PSIP1: variants seen among roughly 807,000 people sequenced by gnomAD.
PSIP1 encodes PC4 and SFRS1-interacting protein.
A neutral mutation model predicts 74.7 loss-of-function variants in PSIP1; 19 were observed. The ratio of observed to expected loss-of-function variants is 0.25; its 90% CI spans 0.18 to 0.37. The LOEUF is 0.37. Among genes scored for constraint, PSIP1 ranks in the 10% least tolerant of loss-of-function variants. The probability of loss-of-function intolerance (pLI) is 1.00; values close to 1 mark genes in which losing one functional copy is unlikely to be tolerated. For synonymous variants in PSIP1, 222 were observed against 195.3 expected (o/e 1.14, Z -1.14); for missense variants, 601 against 614.3 (o/e 0.98, Z 0.23).
chr9:15,504,185 A>T (rs2037476208), intron 3 of PSIP1, among the ~76,000 whole-genome samples: 1 of 152,224 alleles, frequency 6.6e-6, no homozygotes, highest in Non-Finnish European at 1.5e-5. Flanking sequence ...AAAATTCAGT[A>T]TTGTCAGCTT....
intron 4 of PSIP1, among the ~76,000 whole-genome samples, chr9:15,487,467 C>A (rs1034480465): frequency 1.3e-5 from 2 of 151,772 alleles, no homozygotes; most frequent in African/African-American, 4.8e-5. Context: ...TGGTGGCACG[C>A]GCCTGTAATC....
chr9:15,465,738 T>A, intron 15 of PSIP1, 158 bp from the exon 16 acceptor site: 1 of 562,478 alleles, frequency 1.8e-6, no homozygotes, highest in South Asian at 2.9e-5. Flanking sequence ...GTCATTATTA[T>A]TTTTTTCTTC....
chr9:15,468,430 T>G (rs1327749909), intron 14 of PSIP1, 200 bp downstream of exon 14: 1 of 766,162 alleles, frequency 1.3e-6, no homozygotes, highest in Non-Finnish European at 2.4e-6. Context: ...AGAAGTCGAA[T>G]ATAAACTGAC....
chr9:15,501,846 T>C (rs1563897730), intron 3 of PSIP1, among the ~76,000 whole-genome samples: 3 of 145,218 alleles, frequency 2.1e-5, no homozygotes, highest in Non-Finnish European at 4.5e-5. Context: ...ACAGCATATA[T>C]ATATATATAT....
chr9:15,473,483 C>T (rs1298084303), intron 9 of PSIP1, among the ~76,000 whole-genome samples: 1 of 152,246 alleles, frequency 6.6e-6, no homozygotes, highest in African/African-American at 2.4e-5. Context: ...AATAAAGGGA[C>T]GTTTTCAATA....
At chr9:15,470,051 C>T in intron 10 of PSIP1, 58 bp from the exon 11 acceptor site, 3 of 1,359,566 alleles carry the variant, frequency 2.2e-6, no homozygotes, top group Middle Eastern at 1.8e-4. Flanking sequence ...TAAATGCCCA[C>T]AATCCCTATG....
Position 15,464,596 on chromosome 9 carries a change from T to C in PSIP1, c.*924A>G, listed in dbSNP as rs1378350359. 1 of 197,610 alleles carries C rather than the reference T, an allele frequency of 5.1e-6. No individual in the cohort carries two copies. The highest frequency in any genetic ancestry group is 2.3e-5 in the African/African-American group (1 of 43,346). The allele number at this position is 197,610 out of a possible 1,614,324, so 12.2% of individuals were successfully genotyped here. A position where few individuals can be genotyped will look rare whatever the true frequency, so the allele number is the denominator to read the frequency against. ...GATTTCAAATAGGTGAGTTTCCTTA[T>C]ATAACATTTATTCATATTTATTGTA... On this transcript the variant is annotated 3_prime_UTR_variant, in exon 16 of 16. Coordinates refer to ENST00000380733, the MANE Select transcript of PSIP1 (RefSeq NM_033222.5).
At chr9:15,476,345 A>G (rs1249211231) in intron 8 of PSIP1, among the ~76,000 whole-genome samples, 1 of 152,208 alleles carries the variant, frequency 6.6e-6, no homozygotes, top group Non-Finnish European at 1.5e-5. Context: ...GTTATTATAC[A>G]ATGGGTAAAA....
chr9:15,481,579 G>C (rs183820273), intron 6 of PSIP1, among the ~76,000 whole-genome samples: 1 of 152,202 alleles, frequency 6.6e-6, no homozygotes. Context: ...AGCCACTCAA[G>C]AGGCTAAGGC....
intron 2 of PSIP1, 39 bp downstream of exon 2, chr9:15,510,078 G>C (rs375047550): frequency 6.4e-7 from 1 of 1,574,630 alleles, no homozygotes; most frequent in African/African-American, 1.4e-5. Flanking sequence ...CTGGAGAGGA[G>C]GGTAGCACTG....
chr9:15,484,701 G>A (rs2081633453), intron 6 of PSIP1, among the ~76,000 whole-genome samples: 1 of 151,364 alleles, frequency 6.6e-6, no homozygotes, highest in African/African-American at 2.4e-5. Flanking sequence ...CACTTCAGCT[G>A]GGGCAACAGT....
At chr9:15,509,542 G>A (rs1172396775) in intron 2 of PSIP1, among the ~76,000 whole-genome samples, 1 of 152,174 alleles carries the variant, frequency 6.6e-6, no homozygotes, top group East Asian at 1.9e-4. Context: ...TAAAAAAGGA[G>A]AAATGAATTT....
chr9:15,497,394 G>C (rs921918497), intron 3 of PSIP1, among the ~76,000 whole-genome samples: 1 of 147,514 alleles, frequency 6.8e-6, no homozygotes, highest in African/African-American at 2.6e-5. Context: ...TGCTATCTTG[G>C]CTCACTGCAA....
chr9:15,479,476 A>G (rs2036241684), intron 7 of PSIP1, 115 bp downstream of exon 7: 1 of 666,044 alleles, frequency 1.5e-6, no homozygotes, highest in Non-Finnish European at 2.5e-6. Context: ...TCTGTATGTT[A>G]CACATAATCA....
Position 15,464,323 on chromosome 9 carries a change from T to G in PSIP1, c.*1197A>C, listed in dbSNP as rs1241923610. The stretch of plus-strand genomic sequence containing the variant: ...TACAGAGACGCTGGTCTTAAGCCAT[T>G]TTTTTCCATATTCATATAATTTCAA... On this transcript the variant is annotated 3_prime_UTR_variant, in exon 16 of 16. Coordinates refer to ENST00000380733, the MANE Select transcript of PSIP1 (RefSeq NM_033222.5). The G allele has an allele frequency of 1.0e-5, 2 of 193,460 alleles. No homozygotes were observed. 12.0% of individuals were successfully genotyped at this position (193,460 alleles called of 1,614,324 possible). A position where few individuals can be genotyped will look rare whatever the true frequency, so the allele number is the denominator to read the frequency against.
chr9:15,479,922 T>A (rs533206609), intron 6 of PSIP1, among the ~76,000 whole-genome samples: 1 of 152,318 alleles, frequency 6.6e-6, no homozygotes, highest in Non-Finnish European at 1.5e-5. Flanking sequence ...TGAAGTCATT[T>A]GTAAAAATAA....
intron 8 of PSIP1, among the ~76,000 whole-genome samples, chr9:15,477,461 G>T (rs1310486845): frequency 5.3e-5 from 8 of 152,030 alleles, no homozygotes. Context: ...ACATATTTTG[G>T]TTGAAACATA....
chr9:15,503,801 C>CA (rs2132226242), intron 3 of PSIP1, among the ~76,000 whole-genome samples: 1 of 152,236 alleles, frequency 6.6e-6, no homozygotes, highest in South Asian at 2.1e-4. Context: ...GGCTGGAGTG[C>CA]AATGGCACAA....
chr9:15,475,050 TAAC>T (rs1373323442), intron 8 of PSIP1, among the ~76,000 whole-genome samples: 2 of 152,122 alleles, frequency 1.3e-5, no homozygotes, highest in Non-Finnish European at 2.9e-5. Flanking sequence ...AAAGGTCAAA[TAAC>T]AAGCCCAACA....
Sources: gnomAD v4.1 joint callset for allele counts (sites outside exome capture counted in the v4.1 genomes callset) on GRCh38, gnomAD v4.1.1 for gene constraint, MANE v1.5 for transcripts, NCBI Gene and HGNC (gene_info 2026-07-23, HGNC 2026-07-21) for gene names.